DZANK1: variants seen among roughly 807,000 people sequenced by gnomAD.
The protein encoded by DZANK1 is double zinc ribbon and ankyrin repeat domains 1.
In DZANK1, 91 loss-of-function variants were observed where a neutral mutation model predicts 94.5. The ratio of observed to expected loss-of-function variants is 0.96; its 90% confidence interval spans 0.81 to 1.15. DZANK1 has a LOEUF of 1.15. Among genes scored for constraint, DZANK1 ranks in the 50% most tolerant of loss-of-function variants. DZANK1 has a pLI of 0.00. For missense variants in DZANK1, 903 were observed against 916.4 expected, an observed-to-expected ratio of 0.99 and a Z score of 0.19; for synonymous variants, 312 against 325.3, an observed-to-expected ratio of 0.96 and a Z score of 0.44.
chr20:18,388,892 C>T (rs1021053639), intron 19 of DZANK1, among the ~76,000 whole-genome samples: 2 of 152,176 alleles, frequency 1.3e-5, no homozygotes, highest in Admixed American at 1.3e-4. Flanking sequence ...TTTTGGCCTC[C>T]GTGGTAGCAT....
intron 13 of DZANK1, among the ~76,000 whole-genome samples, chr20:18,404,058 T>A (rs1425051988): frequency 6.6e-6 from 1 of 152,122 alleles, no homozygotes; most frequent in Non-Finnish European, 1.5e-5. Flanking sequence ...CCCAAATTGC[T>A]GGGATTACAG....
At chr20:18,408,495 A>G (rs1249213664) in intron 13 of DZANK1, among the ~76,000 whole-genome samples, 1 of 152,218 alleles carries the variant, frequency 6.6e-6, no homozygotes, top group Non-Finnish European at 1.5e-5. Context: ...GGATAAAGAA[A>G]GTATCCTAAA....
Position 18,453,845 on chromosome 20 carries a change from G to C in DZANK1, c.379-18C>G, listed in dbSNP as rs2059191552. 1 of 1,400,304 alleles carries C rather than the reference G, an allele frequency of 7.1e-7. No homozygotes were observed. 86.7% of individuals were successfully genotyped at this position (1,400,304 alleles called of 1,614,324 possible). A position where few individuals can be genotyped will look rare whatever the true frequency, so the allele number is the denominator to read the frequency against. On this transcript the variant is annotated intron_variant, in intron 4 of 20. Coordinates refer to ENST00000262547, the Ensembl canonical transcript of DZANK1. ...TTGAATTCCTAGGAATGAAGAGATT[G>C]CATATCAATCACTTGGTTATTCCCA... is the stretch of plus-strand genomic sequence containing the variant.
chr20:18,390,447 GTC>G lies in DZANK1; in HGVS notation c.1820_1821del (p.Arg607ThrfsTer18). On this transcript the variant is annotated frameshift_variant, in exon 18 of 21. Transcript: ENST00000262547. LOFTEE classifies it high-confidence loss of function. Reference sequence around the variant, plus strand: ...GTGGGTCCGACTTCCTTCAGCAGGAGTCTGTTTTCAGGCTGCAGGATTACAGA... The same window carrying G: ...GTGGGTCCGACTTCCTTCAGCAGGAGTGTTTTCAGGCTGCAGGATTACAGA... 1.2e-6 allele frequency: 2 copies of G among 1,613,886 alleles called. No homozygotes were observed. The highest frequency in any genetic ancestry group is 2.2e-5 in the South Asian group (2 of 91,086).
intron 13 of DZANK1, among the ~76,000 whole-genome samples, chr20:18,403,135 C>G (rs2056774203): frequency 6.6e-6 from 1 of 152,202 alleles, no homozygotes; most frequent in Non-Finnish European, 1.5e-5. Context: ...TTTGCACAGG[C>G]TAAGTTCTGG....
At chr20:18,465,561 G>T in intron 1 of DZANK1, 184 bp from the exon 2 acceptor site, 2 of 265,614 alleles carry the variant, frequency 7.5e-6, no homozygotes, top group Non-Finnish European at 1.4e-5. Context: ...GTCTTGTGTG[G>T]GGTTTTGATT....
At chr20:18,465,210 AAT>A in intron 2 of DZANK1, 38 bp downstream of exon 2, 1 of 1,298,258 alleles carries the variant, frequency 7.7e-7, no homozygotes, top group Non-Finnish European at 1.1e-6. Context: ...GAAATATGAC[AAT>A]GTTATTTTAA....
At position 18,430,057 on chromosome 20, in the gene DZANK1, C is replaced by T. The variant is rs550310812; in HGVS notation, c.862-2898G>A. ...GATTCTAAGCTATTTAACAGAGCCA[C>T]TTAGTCACTGGGATAAAACTTTTCC... On this transcript the variant is annotated intron_variant, in intron 9 of 20. Transcript: ENST00000262547. Among the ~76,000 whole-genome samples the T allele has an allele frequency of 5.3e-5, 8 of 152,322 alleles. No homozygotes were observed. In the East Asian group the frequency reaches 1.5e-3, roughly 29 times the overall value.
rs777064640 is a variant in DZANK1 at position 18,398,667 on chromosome 20, T to C, written c.1433-41A>G. On this transcript the variant is annotated intron_variant, in intron 13 of 20. Transcript: ENST00000262547. ...AACCCCGCCATCTGGATGATTCTCC[T>C]GAGACTAAGAAAGAAAAATGATAGC... 6 of 1,571,324 alleles carry C rather than the reference T, an allele frequency of 3.8e-6. No individual in the cohort carries two copies. The South Asian group carries it at 4.4e-5, about 12-fold the overall frequency.
chr20:18,437,501 C>T (rs1374750347), intron 8 of DZANK1, among the ~76,000 whole-genome samples: 1 of 152,072 alleles, frequency 6.6e-6, no homozygotes, highest in African/African-American at 2.4e-5. Context: ...ATCACTTGAA[C>T]CCAGGAGGCA....
At chr20:18,461,028 C>T (rs1306375367) in intron 2 of DZANK1, among the ~76,000 whole-genome samples, 3 of 152,198 alleles carry the variant, frequency 2.0e-5, no homozygotes, top group Non-Finnish European at 4.4e-5. Context: ...AGCCCCTGCT[C>T]TTGAACCACT....
intron 13 of DZANK1, among the ~76,000 whole-genome samples, 186 bp from the exon 14 acceptor site, chr20:18,398,812 C>T (rs988709440): frequency 6.6e-6 from 1 of 152,208 alleles, no homozygotes; most frequent in African/African-American, 2.4e-5. Flanking sequence ...CTGCTTGTTA[C>T]ATGTAATTAA....
intron 7 of DZANK1, among the ~76,000 whole-genome samples, chr20:18,446,344 A>G (rs2058880935): frequency 6.6e-6 from 1 of 152,158 alleles, no homozygotes; most frequent in Non-Finnish European, 1.5e-5. Flanking sequence ...CAAAAGATAC[A>G]AGGAAAATCC....
intron 9 of DZANK1, among the ~76,000 whole-genome samples, chr20:18,430,024 A>T (rs1471228857): frequency 1.3e-5 from 2 of 152,236 alleles, no homozygotes; most frequent in African/African-American, 4.8e-5. Flanking sequence ...CATACTGAAT[A>T]GTTGAATGAT....
intron 9 of DZANK1, among the ~76,000 whole-genome samples, chr20:18,430,943 T>C (rs1341625099): frequency 1.3e-5 from 2 of 152,094 alleles, no homozygotes; most frequent in Non-Finnish European, 2.9e-5. Flanking sequence ...CCAAACCAAA[T>C]CTAAATGTAT....
chr20:18,460,045 G>T, intron 3 of DZANK1, 108 bp downstream of exon 3: 1 of 812,126 alleles, frequency 1.2e-6, no homozygotes, highest in Non-Finnish European at 1.8e-6. Context: ...TAATGTTTCA[G>T]TAGTGTCCTT....
intron 13 of DZANK1, among the ~76,000 whole-genome samples, chr20:18,405,821 A>G (rs749931124): frequency 1.3e-5 from 2 of 152,250 alleles, no homozygotes; most frequent in Non-Finnish European, 2.9e-5. Context: ...AATCACTGAT[A>G]CCATCCTTCC....
chr20:18,388,780 C>T (rs2048669883), intron 19 of DZANK1, among the ~76,000 whole-genome samples: 1 of 152,138 alleles, frequency 6.6e-6, no homozygotes, highest in East Asian at 1.9e-4. Context: ...AAAATGCAGA[C>T]ATTAGTAAAA....
At chr20:18,404,397 G>A (rs1231977107) in intron 13 of DZANK1, among the ~76,000 whole-genome samples, 4 of 152,162 alleles carry the variant, frequency 2.6e-5, no homozygotes, top group Non-Finnish European at 5.9e-5. Context: ...CCATCATCCT[G>A]TGGTGACAGG....
Sources: gnomAD v4.1 joint callset for allele counts (sites outside exome capture counted in the v4.1 genomes callset) on GRCh38, gnomAD v4.1.1 for gene constraint, MANE v1.5 for transcripts, NCBI Gene and HGNC (gene_info 2026-07-23, HGNC 2026-07-21) for gene names.